Variants in COL25A1 observed in about 807,000 individuals in gnomAD.
COL25A1 encodes the protein collagen type XXV alpha 1 chain, also known as collagen alpha-1(XXV) chain.
A neutral mutation model predicts 128.4 loss-of-function variants in COL25A1; 103 were observed. That is an observed-to-expected ratio of 0.80 (90% CI 0.68 to 0.94). The LOEUF is 0.94. COL25A1 is among the 40% of genes least tolerant of loss of function. COL25A1 has a pLI of 0.00. For synonymous variants in COL25A1, 279 were observed against 277.2 expected (o/e 1.01, Z -0.06); for missense variants, 745 against 840.0 (o/e 0.89, Z 1.40).
At chr4:109,199,778 G>A (rs982036757) in intron 3 of COL25A1, among the ~76,000 whole-genome samples, 2 of 152,110 alleles carry the variant, frequency 1.3e-5, no homozygotes, top group African/African-American at 4.8e-5. Flanking sequence ...ACTTGGGATT[G>A]GAAGCATTAA....
intron 11 of COL25A1, among the ~76,000 whole-genome samples, chr4:108,931,614 C>T (rs2125915516): frequency 6.6e-6 from 1 of 152,306 alleles, no homozygotes; most frequent in Non-Finnish European, 1.5e-5. Context: ...CTTCCTATCA[C>T]CTCACTAGGT....
At chr4:109,244,867 A>G (rs1018571678) in intron 3 of COL25A1, among the ~76,000 whole-genome samples, 21 of 152,262 alleles carry the variant, frequency 1.4e-4, no homozygotes, top group African/African-American at 4.6e-4. Context: ...TGCCCAATAA[A>G]TATGTGGATC....
At chr4:108,878,830 A>G (rs1015583396) in intron 19 of COL25A1, among the ~76,000 whole-genome samples, 2 of 152,138 alleles carry the variant, frequency 1.3e-5, no homozygotes, top group Admixed American at 6.5e-5. Flanking sequence ...ATTTCTGGTT[A>G]TGTGAGTTTC....
chr4:109,193,401 C>T (rs866754914), intron 3 of COL25A1, among the ~76,000 whole-genome samples: 10 of 151,988 alleles, frequency 6.6e-5, no homozygotes, highest in Non-Finnish European at 1.3e-4. Context: ...CTAAATTTTG[C>T]GGTCATCTTG....
At chr4:109,300,730 G>A (rs989738314) in intron 2 of COL25A1, 78 bp from the exon 3 acceptor site, 38 of 966,374 alleles carry the variant, frequency 3.9e-5, no homozygotes, top group South Asian at 9.5e-5. Flanking sequence ...CTGGCCATAC[G>A]CCTGATTTAC....
intron 22 of COL25A1, among the ~76,000 whole-genome samples, chr4:108,862,151 C>T (rs1425372755): frequency 6.6e-6 from 1 of 152,100 alleles, no homozygotes; most frequent in Non-Finnish European, 1.5e-5. Flanking sequence ...ATAATTCGAG[C>T]ATTTATCACA....
intron 13 of COL25A1, among the ~76,000 whole-genome samples, chr4:108,906,068 T>C (rs953404276): frequency 1.3e-5 from 2 of 152,142 alleles, no homozygotes; most frequent in Admixed American, 6.5e-5. Flanking sequence ...CAACATTCTC[T>C]TAAAAGCAAG....
At chr4:109,117,895 C>G (rs1767754282) in intron 3 of COL25A1, among the ~76,000 whole-genome samples, 2 of 151,324 alleles carry the variant, frequency 1.3e-5, no homozygotes, top group African/African-American at 4.9e-5. Flanking sequence ...CTACTTAAAA[C>G]CAGTGTTTTT....
intron 5 of COL25A1, among the ~76,000 whole-genome samples, chr4:109,039,047 G>T (rs1017169988): frequency 2.6e-5 from 4 of 151,876 alleles, no homozygotes; most frequent in Admixed American, 1.3e-4. Flanking sequence ...ACATCATCAC[G>T]CGTCTGTCAT....
chr4:109,022,900 G>A (rs974861310), intron 5 of COL25A1, among the ~76,000 whole-genome samples: 2 of 152,102 alleles, frequency 1.3e-5, no homozygotes, highest in African/African-American at 4.8e-5. Context: ...TTGCTTTGGG[G>A]TGGAAATGTT....
intron 3 of COL25A1, among the ~76,000 whole-genome samples, chr4:109,263,233 C>T (rs1781565440): frequency 6.6e-6 from 1 of 152,086 alleles, no homozygotes; most frequent in Admixed American, 6.6e-5. Flanking sequence ...TGGGGAGTTG[C>T]TAGAGATATA....
chr4:108,832,459 A>G (rs1484950478), intron 31 of COL25A1, 26 bp from the exon 32 acceptor site: 7 of 1,499,688 alleles, frequency 4.7e-6, no homozygotes, highest in Non-Finnish European at 4.6e-6. Context: ...TATGAGATAT[A>G]TCACAAGGGC....
chr4:108,981,969 G>A (rs1753016845), intron 6 of COL25A1, among the ~76,000 whole-genome samples: 1 of 152,140 alleles, frequency 6.6e-6, no homozygotes, highest in South Asian at 2.1e-4. Flanking sequence ...GCTGAGGCAG[G>A]CAGATCACAA....
chr4:109,137,982 A>ATGTGTGTGTGTGTG (rs1418865784), intron 3 of COL25A1, among the ~76,000 whole-genome samples: 21 of 60,844 alleles, frequency 3.5e-4, no homozygotes, highest in South Asian at 1.7e-3. Flanking sequence ...TTTTATATAT[A>ATGTGTGTGTGTGTG]TATGTGTGTG....
At chr4:109,185,624 A>G (rs537565137) in intron 3 of COL25A1, among the ~76,000 whole-genome samples, 1 of 152,216 alleles carries the variant, frequency 6.6e-6, no homozygotes. Flanking sequence ...CAAATGCTAA[A>G]TCCCTAACCC....
intron 5 of COL25A1, among the ~76,000 whole-genome samples, chr4:109,013,953 AC>A (rs1756960931): frequency 6.6e-6 from 1 of 151,348 alleles, no homozygotes; most frequent in Non-Finnish European, 1.5e-5. Context: ...CACCCCACCA[AC>A]CCCCCTCAGC....
Position 108,970,200 on chromosome 4 carries a change from C to A in COL25A1, c.492+4167G>T, listed in dbSNP as rs532934209. 3.3e-5 allele frequency among the ~76,000 whole-genome samples: 5 copies of A among 152,268 alleles called. No individual in the cohort carries two copies. In the South Asian group the frequency reaches 1.0e-3, roughly 32 times the overall value. ...TACAGTGGTGAGCCACTGCATCTGGCCTCTAAAATATTTTTATAAAGAACA... is the reference window on the plus strand; with the variant it reads ...TACAGTGGTGAGCCACTGCATCTGGACTCTAAAATATTTTTATAAAGAACA... On this transcript the variant is annotated intron_variant, in intron 8 of 37. Transcript: ENST00000399132.
chr4:109,288,579 G>A (rs1421398634), intron 3 of COL25A1, among the ~76,000 whole-genome samples: 2 of 152,024 alleles, frequency 1.3e-5, no homozygotes, highest in Non-Finnish European at 2.9e-5. Context: ...AAAGGCTAAT[G>A]TAACTGCCTG....
intron 11 of COL25A1, among the ~76,000 whole-genome samples, chr4:108,933,269 T>C (rs919119324): frequency 1.3e-5 from 2 of 152,218 alleles, no homozygotes; most frequent in African/African-American, 4.8e-5. Context: ...AACTCTCTAG[T>C]GCCTCTTAAG....
Sources: gnomAD v4.1 joint callset for allele counts (sites outside exome capture counted in the v4.1 genomes callset) on GRCh38, gnomAD v4.1.1 for gene constraint, MANE v1.5 for transcripts, NCBI Gene and HGNC (gene_info 2026-07-23, HGNC 2026-07-21) for gene names.